The following EDIL3 variants were observed in gnomAD, a reference collection of about 807,000 sequenced individuals.
The protein encoded by EDIL3 is EGF like and discoidin domains 3.
Under a neutral mutation model 67.4 loss-of-function variants are expected in EDIL3, and 37 were observed. The observed-to-expected ratio is 0.55, with a 90% CI of 0.42 to 0.72. The LOEUF (loss-of-function observed/expected upper bound fraction) is 0.72, where lower values mean the gene tolerates loss of function less well. Among genes scored for constraint, EDIL3 ranks in the 30% least tolerant of loss-of-function variants. EDIL3 has a pLI of 0.00. For missense variants in EDIL3, 527 were observed against 586.3 expected, an observed-to-expected ratio of 0.90 and a Z score of 1.04; for synonymous variants, 195 against 196.3, an observed-to-expected ratio of 0.99 and a Z score of 0.05.
At chr5:84,149,416 G>A (rs1316302775) in intron 4 of EDIL3, among the ~76,000 whole-genome samples, 1 of 152,134 alleles carries the variant, frequency 6.6e-6, no homozygotes. Flanking sequence ...GGGGCATTGG[G>A]CAGAGGACCC....
chr5:84,137,216 C>A, intron 5 of EDIL3, 25 bp downstream of exon 5: 1 of 1,508,948 alleles, frequency 6.6e-7, no homozygotes, highest in Non-Finnish European at 9.2e-7. Context: ...CACACACACA[C>A]ACATACACAC....
intron 4 of EDIL3, among the ~76,000 whole-genome samples, chr5:84,140,905 C>T (rs1014257314): frequency 1.3e-5 from 2 of 152,088 alleles, no homozygotes; most frequent in African/African-American, 2.4e-5. Flanking sequence ...TGCAGGAGTT[C>T]TTTCAGCAGT....
intron 4 of EDIL3, among the ~76,000 whole-genome samples, chr5:84,146,892 A>G (rs932060799): frequency 6.6e-6 from 1 of 152,076 alleles, no homozygotes; most frequent in African/African-American, 2.4e-5. Flanking sequence ...TAGCATATAT[A>G]CTTAAAAGGA....
chr5:84,096,972 T>C (rs1172259803), intron 6 of EDIL3, among the ~76,000 whole-genome samples: 1 of 152,168 alleles, frequency 6.6e-6, no homozygotes, highest in African/African-American at 2.4e-5. Context: ...TCCACGTAAA[T>C]GTCACTTGCT....
intron 1 of EDIL3, among the ~76,000 whole-genome samples, chr5:84,321,038 A>G (rs1483823978): frequency 1.3e-5 from 2 of 152,154 alleles, no homozygotes; most frequent in East Asian, 3.9e-4. Context: ...TTAACATGTT[A>G]ATATTGTGAT....
chr5:83,988,597 T>G (rs1477880699), intron 9 of EDIL3, among the ~76,000 whole-genome samples: 1 of 152,138 alleles, frequency 6.6e-6, no homozygotes, highest in Non-Finnish European at 1.5e-5. Flanking sequence ...GAAAATCCTG[T>G]GCCCTCTCTG....
At chr5:84,059,631 A>G (rs1186264181) in intron 9 of EDIL3, among the ~76,000 whole-genome samples, 1 of 152,210 alleles carries the variant, frequency 6.6e-6, no homozygotes, top group Non-Finnish European at 1.5e-5. Flanking sequence ...ATCTTTCACT[A>G]TAAAGTGATC....
At chr5:84,300,803 A>AG (rs1746142828) in intron 1 of EDIL3, among the ~76,000 whole-genome samples, 1 of 152,212 alleles carries the variant, frequency 6.6e-6, no homozygotes, top group Admixed American at 6.5e-5. Flanking sequence ...AAGGTTATGT[A>AG]ACATGATTAG....
chr5:84,049,676 G>T (rs373199126), intron 9 of EDIL3, among the ~76,000 whole-genome samples: 72 of 152,214 alleles, frequency 4.7e-4, no homozygotes, highest in African/African-American at 1.7e-3. Context: ...ACTAAAATTT[G>T]ACCTTTGGGA....
At position 84,202,659 on chromosome 5, in the gene EDIL3, G is replaced by A. The variant is rs571326652; in HGVS notation, c.227-22138C>T. Among the ~76,000 whole-genome samples, 3 of 152,234 alleles carry A rather than the reference G, an allele frequency of 2.0e-5. No individual in the cohort carries two copies. The South Asian group carries it at 6.2e-4, about 32-fold the overall frequency. On this transcript the variant is annotated intron_variant, in intron 3 of 10. Coordinates refer to ENST00000296591, the MANE Select transcript of EDIL3 (RefSeq NM_005711.5). ...TTATTTAGAGAGGGAATATTTGAGA[G>A]CAGAGGGGAAAAGTTGAGAATATTT...
At chr5:84,054,499 G>A (rs1746404836) in intron 9 of EDIL3, among the ~76,000 whole-genome samples, 1 of 152,136 alleles carries the variant, frequency 6.6e-6, no homozygotes, top group African/African-American at 2.4e-5. Flanking sequence ...TATTCAATTA[G>A]GAGAAGAGGA....
At chr5:84,351,460 G>A (rs2112189458) in intron 1 of EDIL3, among the ~76,000 whole-genome samples, 1 of 152,176 alleles carries the variant, frequency 6.6e-6, no homozygotes, top group East Asian at 1.9e-4. Flanking sequence ...CAGTGAATTG[G>A]GCTTTAGTTC....
chr5:84,111,068 G>A lies in EDIL3; in HGVS notation c.470-4238C>T, dbSNP rs1747555790. 2.0e-5 allele frequency among the ~76,000 whole-genome samples: 3 copies of A among 152,080 alleles called. 1 individual carries two copies. In the South Asian group the frequency reaches 6.2e-4, roughly 31 times the overall value. ...TGGTGAGTTCTCATGAGATCTGGTG[G>A]TTTAAAAGTGTGTGGCACGTCTCTC... On this transcript the variant is annotated intron_variant, in intron 5 of 10. Coordinates refer to ENST00000296591, the MANE Select transcript of EDIL3 (RefSeq NM_005711.5).
At chr5:84,315,765 C>T (rs1285547640) in intron 1 of EDIL3, among the ~76,000 whole-genome samples, 1 of 152,170 alleles carries the variant, frequency 6.6e-6, no homozygotes, top group East Asian at 1.9e-4. Flanking sequence ...GAGAACACCA[C>T]AAAGACATTC....
chr5:84,308,766 G>A (rs556608203), intron 1 of EDIL3, among the ~76,000 whole-genome samples: 1 of 152,212 alleles, frequency 6.6e-6, no homozygotes, highest in Non-Finnish European at 1.5e-5. Flanking sequence ...AATATCATTT[G>A]TATAAAAAGA....
At chr5:84,172,609 C>CAA (rs112878602) in intron 4 of EDIL3, among the ~76,000 whole-genome samples, 1 of 150,506 alleles carries the variant, frequency 6.6e-6, no homozygotes, top group African/African-American at 2.5e-5. Flanking sequence ...ACAACAACAA[C>CAA]AAAAAAATAA....
intron 5 of EDIL3, among the ~76,000 whole-genome samples, chr5:84,114,899 G>A (rs1747637274): frequency 6.6e-6 from 1 of 152,162 alleles, no homozygotes; most frequent in Non-Finnish European, 1.5e-5. Flanking sequence ...AAGATGAACA[G>A]CAATTTGTGC....
chr5:84,088,917 T>A (rs1272606949), intron 6 of EDIL3, among the ~76,000 whole-genome samples: 1 of 152,056 alleles, frequency 6.6e-6, no homozygotes, highest in African/African-American at 2.4e-5. Context: ...CAACATATGA[T>A]ATAAAAAAGA....
chr5:84,310,253 T>A (rs1164070077), intron 1 of EDIL3, among the ~76,000 whole-genome samples: 1 of 152,182 alleles, frequency 6.6e-6, no homozygotes, highest in African/African-American at 2.4e-5. Flanking sequence ...AAAATGCTAA[T>A]GATGACAATG....
Sources: allele counts gnomAD v4.1 joint callset (sites outside exome capture counted in the v4.1 genomes callset), GRCh38; gene constraint gnomAD v4.1.1; transcripts MANE v1.5; gene names NCBI Gene and HGNC (gene_info 2026-07-23, HGNC 2026-07-21).